Variants in OTOGL observed in about 807,000 individuals in gnomAD.
OTOGL encodes otogelin-like protein.
OTOGL carries 285 observed loss-of-function variants against 318.5 expected under a neutral mutation model. That is an observed-to-expected ratio of 0.89 (90% CI 0.81 to 0.99). OTOGL has a LOEUF of 0.99. OTOGL is among the 50% of genes least tolerant of loss of function. The probability of loss-of-function intolerance (pLI) is 0.00; values close to 1 mark genes in which losing one functional copy is unlikely to be tolerated. For synonymous variants in OTOGL, 987 were observed against 936.5 expected (o/e 1.05, Z -0.99); for missense variants, 2,899 against 2,845.6 (o/e 1.02, Z -0.43).
intron 27 of OTOGL, among the ~76,000 whole-genome samples, chr12:80,299,796 C>G (rs1299781889): frequency 1.3e-5 from 2 of 152,086 alleles, no homozygotes; most frequent in Non-Finnish European, 2.9e-5. Context: ...TAATTCTCAT[C>G]TGAAGTGGAG....
At chr12:80,342,439 C>G (rs1199864373) in intron 44 of OTOGL, among the ~76,000 whole-genome samples, 2 of 152,110 alleles carry the variant, frequency 1.3e-5, no homozygotes, top group Non-Finnish European at 2.9e-5. Flanking sequence ...CTCCAGGAGA[C>G]AGAGATCAAT....
chr12:80,219,968 G>A, intron 6 of OTOGL, 56 bp downstream of exon 6: 1 of 1,259,210 alleles, frequency 7.9e-7, no homozygotes, highest in Non-Finnish European at 1.1e-6. Flanking sequence ...GAAAATTAAG[G>A]CATAATTTGC....
At chr12:80,184,826 A>T (rs1054581167) in intron 1 of OTOGL, among the ~76,000 whole-genome samples, 22 of 152,156 alleles carry the variant, frequency 1.4e-4, no homozygotes, top group African/African-American at 5.3e-4. Context: ...AAGGGTCAAA[A>T]ATAAACGTGG....
intron 38 of OTOGL, 95 bp downstream of exon 38, chr12:80,333,173 T>C: frequency 9.4e-7 from 1 of 1,058,862 alleles, no homozygotes; most frequent in Non-Finnish European, 1.4e-6. Flanking sequence ...AAACTTTTTT[T>C]GATATGTTCT....
intron 52 of OTOGL, among the ~76,000 whole-genome samples, chr12:80,362,701 G>A (rs1394518345): frequency 6.6e-6 from 1 of 152,102 alleles, no homozygotes; most frequent in Non-Finnish European, 1.5e-5. Flanking sequence ...TCATTATGAA[G>A]AAGTTTCCAG....
At chr12:80,194,608 C>A (rs1875916295) in intron 1 of OTOGL, among the ~76,000 whole-genome samples, 1 of 152,140 alleles carries the variant, frequency 6.6e-6, no homozygotes, top group Admixed American at 6.5e-5. Context: ...TCTGACAATA[C>A]TGCTGTAATA....
At chr12:80,334,760 T>C (rs1260594874) in intron 38 of OTOGL, among the ~76,000 whole-genome samples, 2 of 152,154 alleles carry the variant, frequency 1.3e-5, no homozygotes, top group Non-Finnish European at 2.9e-5. Flanking sequence ...GATTTAGCAA[T>C]GTGAGTTGCT....
At chr12:80,258,742 C>T (rs1882277699) in intron 18 of OTOGL, among the ~76,000 whole-genome samples, 1 of 151,840 alleles carries the variant, frequency 6.6e-6, no homozygotes, top group African/African-American at 2.4e-5. Context: ...AGAAATATAT[C>T]TGGAATCTAA....
rs751075472 is a variant in OTOGL at position 80,339,300 on chromosome 12, T to G, written c.5050+36T>G. ...CCCTTCAAATCTTGATTTCGTCTGT[T>G]TTTTTTTTTTTTTTTTTTTTTTTCT... On this transcript the variant is annotated intron_variant, in intron 43 of 58. Coordinates refer to ENST00000547103, the MANE Select transcript of OTOGL (RefSeq NM_001378609.3). 913 of 614,478 alleles carry G rather than the reference T, an allele frequency of 1.5e-3. 4 individuals carry two copies. The African/African-American group carries it at 0.053, about 35-fold the overall frequency. 38.1% of individuals were successfully genotyped at this position (614,478 alleles called of 1,614,324 possible).
chr12:80,251,885 A>G, intron 12 of OTOGL, 86 bp downstream of exon 12: 1 of 1,235,954 alleles, frequency 8.1e-7, no homozygotes, highest in South Asian at 1.6e-5. Flanking sequence ...ACTACTCAAT[A>G]CTAATGAATT....
At chr12:80,303,048 A>G (rs971452795) in intron 28 of OTOGL, among the ~76,000 whole-genome samples, 2 of 152,186 alleles carry the variant, frequency 1.3e-5, no homozygotes, top group Admixed American at 6.5e-5. Flanking sequence ...CAGCTTAATT[A>G]TGTGATCTGT....
At chr12:80,346,266 T>A (rs1194452446) in intron 44 of OTOGL, among the ~76,000 whole-genome samples, 1 of 152,160 alleles carries the variant, frequency 6.6e-6, no homozygotes. Flanking sequence ...AATTTTGAGT[T>A]TATAGTGACT....
chr12:80,339,279 T>C lies in OTOGL; in HGVS notation c.5050+15T>C. 2 of 996,998 alleles carry C rather than the reference T, an allele frequency of 2.0e-6. No homozygotes were observed. The highest frequency in any genetic ancestry group is 2.6e-5 in the Admixed American group (1 of 38,824). The allele number at this position is 996,998 out of a possible 1,614,324, so 61.8% of individuals were successfully genotyped here. ...AGGACTCTGTGGTGAGCGCTGCCCT[T>C]CAAATCTTGATTTCGTCTGTTTTTT... On this transcript the variant is annotated intron_variant, in intron 43 of 58. Transcript: ENST00000547103.
At chr12:80,255,011 T>C in intron 15 of OTOGL, 29 bp from the exon 16 acceptor site, 2 of 1,420,944 alleles carry the variant, frequency 1.4e-6, no homozygotes, top group South Asian at 1.6e-5. Context: ...TCCTTTTCTT[T>C]TTCTTTGTTT....
Position 80,320,687 on chromosome 12 carries a change from C to A in OTOGL, c.4068C>A (p.Ser1356Arg). The A allele has an allele frequency of 6.2e-7, 1 of 1,601,918 alleles. No homozygotes were observed. Among genetic ancestry groups the A allele is most frequent in the Non-Finnish European group, 8.5e-7 (1 of 1,173,770 alleles). The change falls in exon 34 of 59, where the codon AGC (serine) becomes AGA (arginine). Residue 1356 changes from serine (S) to arginine (R), a missense_variant. This residue lies in a region of OTOGL where 2,607 missense variants were observed against 2,524.9 expected (regional missense o/e 1.03). Coordinates refer to ENST00000547103, the MANE Select transcript of OTOGL (RefSeq NM_001378609.3). ...CTGAAGAATTTAAACATTCAAGTAG[C>A]TTCAGCATAGAAGGTATGTTTCCTG... is the stretch of plus-strand genomic sequence containing the variant. Reference protein sequence around the residue: ...DDSEEFKHSSSFSIEEIQAAV... With the variant: ...DDSEEFKHSSRFSIEEIQAAV...
At chr12:80,176,358 C>T (rs935429125) in intron 1 of OTOGL, among the ~76,000 whole-genome samples, 1 of 152,104 alleles carries the variant, frequency 6.6e-6, no homozygotes, top group African/African-American at 2.4e-5. Context: ...TCCATCATTT[C>T]CATATGTTTC....
At chr12:80,267,160 TACAATGAC>T in intron 21 of OTOGL, 85 bp from the exon 22 acceptor site, 1 of 648,222 alleles carries the variant, frequency 1.5e-6, no homozygotes, top group East Asian at 3.8e-5. Context: ...GAGTGTACCT[TACAATGAC>T]CAATGGAGAG....
intron 1 of OTOGL, among the ~76,000 whole-genome samples, chr12:80,143,984 G>A (rs561241529): frequency 6.6e-6 from 1 of 151,564 alleles, no homozygotes; most frequent in African/African-American, 2.4e-5. Context: ...TGGCCAGAGA[G>A]ATATATGTAT....
At chr12:80,344,572 C>G (rs1740132688) in intron 44 of OTOGL, among the ~76,000 whole-genome samples, 2 of 152,128 alleles carry the variant, frequency 1.3e-5, no homozygotes, top group African/African-American at 4.8e-5. Context: ...AAATGGGCAT[C>G]AAATTATGTT....
Sources: allele counts gnomAD v4.1 joint callset (sites outside exome capture counted in the v4.1 genomes callset), GRCh38; gene constraint gnomAD v4.1.1; regional missense constraint gnomAD v4.1.1; transcripts MANE v1.5; gene names NCBI Gene and HGNC (gene_info 2026-07-23, HGNC 2026-07-21).